The following CRPPA variants were observed in gnomAD, a reference collection of about 807,000 sequenced individuals.
CRPPA encodes D-ribitol-5-phosphate cytidylyltransferase.
A neutral mutation model predicts 52.0 loss-of-function variants in CRPPA; 43 were observed. The observed-to-expected ratio is 0.83, with a 90% CI of 0.65 to 1.07. CRPPA has a LOEUF of 1.07. Among genes scored for constraint, CRPPA ranks in the 50% least tolerant of loss-of-function variants. The pLI is 0.00. For missense variants in CRPPA, 629 were observed against 551.7 expected (o/e 1.14, Z -1.40); for synonymous variants, 250 against 203.5 (o/e 1.23, Z -1.94).
intron 8 of CRPPA, among the ~76,000 whole-genome samples, chr7:16,217,867 G>A (rs946388303): frequency 2.6e-5 from 4 of 152,174 alleles, no homozygotes; most frequent in African/African-American, 9.6e-5. Context: ...AAAAAACTCT[G>A]CAGGATATTA....
intron 3 of CRPPA, among the ~76,000 whole-genome samples, chr7:16,357,107 T>G (rs1029005517): frequency 6.6e-6 from 1 of 152,180 alleles, no homozygotes. Flanking sequence ...CATGGGTCCC[T>G]CAGGATATCG....
intron 2 of CRPPA, among the ~76,000 whole-genome samples, chr7:16,390,752 T>G (rs777301697): frequency 4.6e-5 from 7 of 152,186 alleles, no homozygotes; most frequent in Admixed American, 3.3e-4. Flanking sequence ...CAGAGCAGTT[T>G]TGGAGAACTC....
intron 1 of CRPPA, among the ~76,000 whole-genome samples, chr7:16,407,173 T>C (rs1279370117): frequency 2.0e-5 from 3 of 152,104 alleles, no homozygotes; most frequent in African/African-American, 7.2e-5. Flanking sequence ...AGATAGGGTT[T>C]CATGATGTTG....
At chr7:16,410,924 C>A (rs1429578895) in intron 1 of CRPPA, among the ~76,000 whole-genome samples, 1 of 152,176 alleles carries the variant, frequency 6.6e-6, no homozygotes, top group African/African-American at 2.4e-5. Context: ...ATTCTGCATA[C>A]AACATCCCTG....
intron 4 of CRPPA, among the ~76,000 whole-genome samples, chr7:16,306,645 C>T (rs1267289982): frequency 6.6e-6 from 1 of 152,138 alleles, no homozygotes; most frequent in African/African-American, 2.4e-5. Context: ...CAATAAAACG[C>T]CTTAGAGTTT....
At chr7:16,286,041 ATAAATATATATATATATATAT>A (rs1784429234) in intron 5 of CRPPA, among the ~76,000 whole-genome samples, 151 of 12,312 alleles carry the variant, frequency 0.012, 16 homozygotes, top group African/African-American at 0.066. Context: ...AAAAAAAAAT[ATAAATATATATATATATATAT>A]ATATATATAT....
chr7:16,218,939 G>C (rs1562565374), intron 8 of CRPPA, among the ~76,000 whole-genome samples: 1 of 152,050 alleles, frequency 6.6e-6, no homozygotes, highest in African/African-American at 2.4e-5. Flanking sequence ...GCACCAAGCA[G>C]ACCTAATAGA....
intron 3 of CRPPA, 120 bp downstream of exon 3, chr7:16,375,972 G>C: frequency 1.1e-6 from 1 of 938,272 alleles, no homozygotes; most frequent in Non-Finnish European, 1.6e-6. Flanking sequence ...ATTGTAATAA[G>C]TCTTAGCCTT....
intron 6 of CRPPA, among the ~76,000 whole-genome samples, chr7:16,268,637 G>A (rs1784016680): frequency 6.6e-6 from 1 of 152,094 alleles, no homozygotes; most frequent in Admixed American, 6.5e-5. Flanking sequence ...ACTCGATCAT[G>A]TGACTTGTTT....
At chr7:16,250,392 C>T (rs1307752008) in intron 8 of CRPPA, among the ~76,000 whole-genome samples, 1 of 151,990 alleles carries the variant, frequency 6.6e-6, no homozygotes, top group Non-Finnish European at 1.5e-5. Context: ...ACGTATTCCT[C>T]GAAAAGAGCA....
intron 2 of CRPPA, among the ~76,000 whole-genome samples, chr7:16,394,002 T>C (rs1001338708): frequency 2.6e-5 from 3 of 115,934 alleles, no homozygotes; most frequent in African/African-American, 1.2e-4. Flanking sequence ...TTCCAGTAAA[T>C]AGACTGGAGG....
chr7:16,143,741 A>C (rs866328079), intron 9 of CRPPA, among the ~76,000 whole-genome samples: 20 of 152,218 alleles, frequency 1.3e-4, no homozygotes, highest in African/African-American at 4.8e-4. Context: ...TTAGATGTTT[A>C]AACTGTAAAA....
chr7:16,269,643 C>A (rs1784044648), intron 6 of CRPPA: 1 of 152,070 alleles, frequency 6.6e-6, no homozygotes, highest in Admixed American at 6.6e-5. Flanking sequence ...TTTCCAGTAA[C>A]AAGATAACAC....
rs1781809289 is a variant in CRPPA, at chr7:16,090,365, T to C, written c.*1330A>G. The C allele has an allele frequency of 6.6e-6, 1 of 152,030 alleles. No individual in the cohort carries two copies. The highest frequency in any genetic ancestry group is 6.6e-5 in the Admixed American group (1 of 15,258). The allele number at this position is 152,030 out of a possible 1,614,324, so 9.4% of individuals were successfully genotyped here. Reference sequence around the variant, plus strand: ...AACTGAAAACACTTCATGCAACTTTTATAGTTTCCACGTGCAGCCTAAGCC... The same window carrying C: ...AACTGAAAACACTTCATGCAACTTTCATAGTTTCCACGTGCAGCCTAAGCC... On this transcript the variant is annotated 3_prime_UTR_variant, in exon 10 of 10. Transcript: ENST00000407010.
chr7:16,210,303 T>C (rs763824884), intron 9 of CRPPA, among the ~76,000 whole-genome samples: 56 of 152,154 alleles, frequency 3.7e-4, no homozygotes, highest in Non-Finnish European at 6.8e-4. Context: ...AGTGTTAGTG[T>C]GGTAGGCAGC....
At position 16,280,785 on chromosome 7, in the gene CRPPA, C is replaced by A. The variant is rs551224418; in HGVS notation, c.836-2559G>T. Among the ~76,000 whole-genome samples the A allele has an allele frequency of 2.6e-5, 4 of 152,214 alleles. No homozygotes were observed. The East Asian group carries it at 7.7e-4, about 29-fold the overall frequency. On this transcript the variant is annotated intron_variant, in intron 5 of 9. Transcript: ENST00000407010. The stretch of plus-strand genomic sequence containing the variant: ...CCTGTAATCCCAGCACTTTGGGAGG[C>A]CAAGGTGGAAGATCACTTGAGGTCA...
At chr7:16,350,933 G>C (rs544168317) in intron 3 of CRPPA, among the ~76,000 whole-genome samples, 1 of 152,174 alleles carries the variant, frequency 6.6e-6, no homozygotes, top group East Asian at 1.9e-4. Flanking sequence ...GAAACCAAAA[G>C]AGAACAAGAA....
intron 9 of CRPPA, among the ~76,000 whole-genome samples, chr7:16,213,049 T>C (rs1406547692): frequency 6.6e-6 from 1 of 152,200 alleles, no homozygotes; most frequent in African/African-American, 2.4e-5. Context: ...GAAAAATATA[T>C]AGTTGCAAAT....
intron 3 of CRPPA, among the ~76,000 whole-genome samples, chr7:16,342,848 T>G (rs992670430): frequency 6.8e-6 from 1 of 146,774 alleles, no homozygotes; most frequent in Admixed American, 6.9e-5. Context: ...TATATAGATA[T>G]ACATATATAG....
Sources: gnomAD v4.1 joint callset for allele counts (sites outside exome capture counted in the v4.1 genomes callset) on GRCh38, gnomAD v4.1.1 for gene constraint, MANE v1.5 for transcripts, NCBI Gene and HGNC (gene_info 2026-07-23, HGNC 2026-07-21) for gene names.